FAT3: variants seen among roughly 807,000 people sequenced by gnomAD.
FAT3 encodes the protein FAT atypical cadherin 3, also known as protocadherin Fat 3.
Under a neutral mutation model 310.2 loss-of-function variants are expected in FAT3, and 95 were observed. That is an observed-to-expected ratio of 0.31 (90% CI 0.26 to 0.36). The LOEUF (loss-of-function observed/expected upper bound fraction) is 0.36. Among genes scored for constraint, FAT3 ranks in the 10% least tolerant of loss-of-function variants. FAT3 has a pLI of 1.00. For synonymous variants in FAT3, 2,314 were observed against 2,192.9 expected, an observed-to-expected ratio of 1.06 and a Z score of -1.54; for missense variants, 5,408 against 5,715.6, an observed-to-expected ratio of 0.95 and a Z score of 1.74.
intron 1 of FAT3, among the ~76,000 whole-genome samples, chr11:92,227,923 A>T (rs374725921): frequency 4.0e-5 from 6 of 149,190 alleles, no homozygotes; most frequent in South Asian, 4.3e-4. Flanking sequence ...AGTTTTTTTT[A>T]TTTTTTTTTT....
intron 19 of FAT3, among the ~76,000 whole-genome samples, chr11:92,847,793 C>G (rs892183343): frequency 2.6e-5 from 4 of 152,158 alleles, no homozygotes; most frequent in African/African-American, 9.7e-5. Flanking sequence ...TTTCTCACTT[C>G]TAGAATTATC....
At chr11:92,678,662 G>T (rs1013313109) in intron 3 of FAT3, among the ~76,000 whole-genome samples, 9 of 152,018 alleles carry the variant, frequency 5.9e-5, no homozygotes, top group African/African-American at 2.2e-4. Context: ...TTAAGACTCC[G>T]AGTTTTTTAA....
chr11:92,234,279 A>G (rs978112756), intron 1 of FAT3, among the ~76,000 whole-genome samples: 3 of 152,206 alleles, frequency 2.0e-5, no homozygotes, highest in Non-Finnish European at 4.4e-5. Flanking sequence ...AAAGAGATGC[A>G]AGAGTGTATA....
intron 21 of FAT3, among the ~76,000 whole-genome samples, chr11:92,864,932 A>G (rs895490875): frequency 6.6e-6 from 1 of 152,342 alleles, no homozygotes; most frequent in East Asian, 1.9e-4. Context: ...TGTATGTTCT[A>G]ACTGTGTATG....
intron 2 of FAT3, among the ~76,000 whole-genome samples, chr11:92,363,938 C>A (rs1436439662): frequency 1.3e-5 from 2 of 152,060 alleles, no homozygotes; most frequent in Non-Finnish European, 2.9e-5. Flanking sequence ...TAATAAACAG[C>A]ATGTTTTTAT....
In FAT3 at chr11:92,643,262, G is replaced by A. The variant is rs905406741; in HGVS notation, c.3608-54122G>A. 4.6e-5 allele frequency among the ~76,000 whole-genome samples: 7 copies of A among 152,170 alleles called. No individual in the cohort carries two copies. In the East Asian group the frequency reaches 9.6e-4, roughly 21 times the overall value. ...TTCCCCTGGGCTTTGGACCTGCACC[G>A]TCAGAAGCAAAGGGGCATTTAAGAT... On this transcript the variant is annotated intron_variant, in intron 3 of 27. Transcript: ENST00000525166.
chr11:92,801,555 C>T lies in FAT3; in HGVS notation c.8542C>T (p.Gln2848Ter), dbSNP rs779995829. The T allele has an allele frequency of 6.2e-7, 1 of 1,607,828 alleles. No individual in the cohort carries two copies. The highest frequency in any genetic ancestry group is 1.1e-5 in the South Asian group (1 of 89,984). Residue 2848 changes from glutamine (Q) to a stop codon, truncating the protein, a stop_gained, in exon 10 of 28, where the codon CAA becomes TAA. Coordinates refer to ENST00000525166, the MANE Select transcript of FAT3 (RefSeq NM_001367949.2). LOFTEE classifies it high-confidence loss of function. Reference sequence around the variant, plus strand: ...TGATATGGACTGGGGAGCCAATGGACAAGTCACTTACTCCCTCCACTCGGA... The same window carrying T: ...TGATATGGACTGGGGAGCCAATGGATAAGTCACTTACTCCCTCCACTCGGA... ...AIDMDWGANG[Q>*]VTYSLHSDSQ...
intron 2 of FAT3, among the ~76,000 whole-genome samples, chr11:92,415,884 G>A (rs539509769): frequency 1.5e-4 from 19 of 122,906 alleles, no homozygotes; most frequent in Non-Finnish European, 6.6e-5. Flanking sequence ...AAGAGATTAG[G>A]TGTCTGTGTA....
chr11:92,561,020 T>G (rs1439529019), intron 3 of FAT3, among the ~76,000 whole-genome samples: 1 of 152,222 alleles, frequency 6.6e-6, no homozygotes, highest in East Asian at 1.9e-4. Flanking sequence ...TCTCTTATAT[T>G]AACAACTTTT....
In FAT3 at chr11:92,844,653, C is replaced by T. The variant is rs774036182; in HGVS notation, c.11286C>T (p.His3762=). The part of the protein sequence containing the change: ...HCEQGLSLDS[H]ALMTYSTARI... ...AGCAAGGCTTGTCACTCGATTCCCA[C>T]GCGCTCATGACCTACAGCACGGCTC... is the stretch of plus-strand genomic sequence containing the variant. The change falls in exon 19 of 28, where the codon CAC becomes CAT. Residue 3762 remains histidine, a synonymous_variant. Coordinates refer to ENST00000525166, the MANE Select transcript of FAT3 (RefSeq NM_001367949.2). 27 of 1,608,830 alleles carry T rather than the reference C, an allele frequency of 1.7e-5. No individual in the cohort carries two copies. The highest frequency in any genetic ancestry group is 3.4e-5 in the Admixed American group (2 of 59,384).
intron 1 of FAT3, among the ~76,000 whole-genome samples, chr11:92,344,846 G>A (rs1177784065): frequency 6.6e-6 from 1 of 152,096 alleles, no homozygotes; most frequent in East Asian, 1.9e-4. Flanking sequence ...GTCTTGAAAC[G>A]TACCCCCCTC....
chr11:92,386,771 C>T (rs549457448), intron 2 of FAT3, among the ~76,000 whole-genome samples: 1 of 152,304 alleles, frequency 6.6e-6, no homozygotes, highest in African/African-American at 2.4e-5. Context: ...TTGGAATGTT[C>T]AGCTGATTAA....
chr11:92,624,249 G>A (rs1941222910), intron 3 of FAT3, among the ~76,000 whole-genome samples: 1 of 152,190 alleles, frequency 6.6e-6, no homozygotes. Context: ...TTTGCCGGAT[G>A]AAGAGCAAGA....
intron 5 of FAT3, among the ~76,000 whole-genome samples, chr11:92,763,954 T>A (rs913636308): frequency 7.9e-5 from 12 of 152,186 alleles, no homozygotes; most frequent in African/African-American, 2.9e-4. Context: ...TTGTCACTGT[T>A]TCGAAGGGCT....
At chr11:92,880,973 C>T (rs770198766) in intron 23 of FAT3, 89 bp downstream of exon 23, 75 of 1,404,326 alleles carry the variant, frequency 5.3e-5, no homozygotes, top group Non-Finnish European at 7.0e-5. Flanking sequence ...AAAATATTTA[C>T]CACTAATAGT....
intron 1 of FAT3, among the ~76,000 whole-genome samples, chr11:92,265,860 A>G (rs998719578): frequency 6.6e-6 from 1 of 152,036 alleles, no homozygotes; most frequent in African/African-American, 2.4e-5. Flanking sequence ...ACCTGTTAGT[A>G]CCACCTTGGG....
intron 2 of FAT3, among the ~76,000 whole-genome samples, chr11:92,374,030 G>GGGGA (rs149616749): frequency 2.1e-5 from 3 of 142,136 alleles, no homozygotes; most frequent in African/African-American, 8.0e-5. Flanking sequence ...ACAGAGAGAG[G>GGGGA]GAGAGAGAGA....
intron 3 of FAT3, among the ~76,000 whole-genome samples, chr11:92,600,251 A>G (rs1939947650): frequency 1.3e-5 from 2 of 152,202 alleles, no homozygotes; most frequent in African/African-American, 4.8e-5. Context: ...TATGCCTTAA[A>G]AAAGTGTATA....
intron 21 of FAT3, among the ~76,000 whole-genome samples, chr11:92,863,832 A>G (rs915971565): frequency 1.3e-5 from 2 of 152,214 alleles, no homozygotes; most frequent in African/African-American, 4.8e-5. Context: ...CTCTCTCTGG[A>G]ATAATATAAC....
Sources: allele counts gnomAD v4.1 joint callset (sites outside exome capture counted in the v4.1 genomes callset), GRCh38; gene constraint gnomAD v4.1.1; transcripts MANE v1.5; gene names NCBI Gene and HGNC (gene_info 2026-07-23, HGNC 2026-07-21).